PREB: variants seen among roughly 807,000 people sequenced by gnomAD.
PREB encodes the protein guanine nucleotide-exchange factor SEC12.
A neutral mutation model predicts 46.7 loss-of-function variants in PREB; 29 were observed. That is an observed-to-expected ratio of 0.62 (90% CI 0.46 to 0.85). PREB has a LOEUF of 0.85. Ranked by LOEUF, PREB falls within the 40% of genes least tolerant of loss-of-function variation. The probability of loss-of-function intolerance (pLI) is 0.00; values close to 1 mark genes in which losing one functional copy is unlikely to be tolerated. For missense variants in PREB, 494 were observed against 528.4 expected, an observed-to-expected ratio of 0.93 and a Z score of 0.64; for synonymous variants, 224 against 220.1, an observed-to-expected ratio of 1.02 and a Z score of -0.16.
Position 27,132,840 on chromosome 2 carries a change from C to G in PREB, c.627+3G>C. 6.2e-7 allele frequency: 1 copy of G among 1,614,046 alleles called. No homozygotes were observed. The highest frequency in any genetic ancestry group is 8.5e-7 in the Non-Finnish European group (1 of 1,179,952). ...CATCCTCCTCCCACCCCCAGCCCCT[C>G]ACCTTGCCATCAGGCCCTAAAGCCA... is the stretch of plus-strand genomic sequence containing the variant. On this transcript the variant is annotated splice_donor_region_variant and intron_variant, in intron 4 of 8. Transcript: ENST00000260643. The surrounding 1 kb of genome is among the most constrained non-coding windows in gnomAD (Gnocchi z 4.0).
intron 1 of PREB, 167 bp downstream of exon 1, chr2:27,134,120 T>C (rs1672400233): frequency 2.2e-6 from 2 of 917,056 alleles, no homozygotes; most frequent in African/African-American, 1.7e-5. Flanking sequence ...CTCCGCCCGC[T>C]GAGTTCTCGA....
In PREB at chr2:27,131,199, T is replaced by G. The variant is rs1672246950; in HGVS notation, c.*215A>C. 1.7e-6 allele frequency: 1 copy of G among 597,512 alleles called. No homozygotes were observed. The highest frequency in any genetic ancestry group is 3.0e-5 in the Admixed American group (1 of 33,586). The allele number at this position is 597,512 out of a possible 1,614,324, so 37.0% of individuals were successfully genotyped here. On this transcript the variant is annotated 3_prime_UTR_variant, in exon 9 of 9. Coordinates refer to ENST00000260643, the MANE Select transcript of PREB (RefSeq NM_013388.6). Reference sequence around the variant, plus strand: ...GGGCTTCAGATACCGCTGTTCTGGATGGATCCACAGATGACGAAGGCAAGG... The same window carrying G: ...GGGCTTCAGATACCGCTGTTCTGGAGGGATCCACAGATGACGAAGGCAAGG...
intron 8 of PREB, 65 bp downstream of exon 8, chr2:27,131,607 C>T (rs1354237794): frequency 2.7e-5 from 43 of 1,598,574 alleles, no homozygotes; most frequent in African/African-American, 6.7e-5. Flanking sequence ...GCCCAGCCTC[C>T]GGGGGGCACG....
In PREB at chr2:27,134,581, G is replaced by A. The variant is rs1672425732; in HGVS notation, c.-160C>T. Reference sequence around the variant, plus strand: ...GGAGTTGCCAAAACCCTGACCATCAGCAGGAAGCCGAGCCTCAGCTCGGCT... The same window carrying A: ...GGAGTTGCCAAAACCCTGACCATCAACAGGAAGCCGAGCCTCAGCTCGGCT... On this transcript the variant is annotated 5_prime_UTR_variant, in exon 1 of 9. Coordinates refer to ENST00000260643, the MANE Select transcript of PREB (RefSeq NM_013388.6). The A allele has an allele frequency of 3.0e-6, 4 of 1,343,964 alleles. No individual in the cohort carries two copies. Among genetic ancestry groups the A allele is most frequent in the Non-Finnish European group, 3.8e-6 (4 of 1,053,664 alleles). The allele number at this position is 1,343,964 out of a possible 1,614,324, so 83.3% of individuals were successfully genotyped here.
rs201697354 is a variant in PREB at position 27,132,275 on chromosome 2, C to A, written c.881G>T (p.Arg294Leu). The change falls in exon 6 of 9, where the codon CGG (arginine) becomes CTG (leucine). Residue 294 changes from arginine to leucine, a missense_variant. Coordinates refer to ENST00000260643, the MANE Select transcript of PREB (RefSeq NM_013388.6). The surrounding 1 kb of genome is among the most constrained non-coding windows in gnomAD (Gnocchi z 4.0). ...GACTTCATGGCCACAGGACTTGGTC[C>A]GAAGGGGCAAGAAGTTGGAGCCATC... is the stretch of plus-strand genomic sequence containing the variant. ...AWDGSNFLPLRTKSCGHEVVS... is the reference protein window; with the variant it reads ...AWDGSNFLPLLTKSCGHEVVS... 73 of 1,614,108 alleles carry A rather than the reference C, an allele frequency of 4.5e-5. 1 individual carries two copies. In the East Asian group the frequency reaches 1.6e-3, roughly 36 times the overall value.
rs747127793 is a variant in PREB at position 27,133,203 on chromosome 2, C to A, written c.460G>T (p.Asp154Tyr). Residue 154 changes from aspartate to tyrosine, a missense_variant, in exon 3 of 9, where the codon GAT becomes TAT. By Grantham distance (160) the Asp-to-Tyr change is radical. Coordinates refer to ENST00000260643, the MANE Select transcript of PREB (RefSeq NM_013388.6). ...AAGCACACAACTTTCTGCAGTGGAT[C>A]GGAGCTAAAGTCTGTCTGCACCGCC... is the stretch of plus-strand genomic sequence containing the variant. ...LQAVQTDFSS[D>Y]PLQKVVCFNH... 1 of 1,614,060 alleles carries A rather than the reference C, an allele frequency of 6.2e-7. No individual in the cohort carries two copies. Among genetic ancestry groups the A allele is most frequent in the Admixed American group, 1.7e-5 (1 of 59,998 alleles).
chr2:27,134,368 C>T lies in PREB; in HGVS notation c.54G>A (p.Ala18=), dbSNP rs769895129. The change falls in exon 1 of 9, where the codon GCG becomes GCA. Residue 18 remains alanine (A), a synonymous_variant. Transcript: ENST00000260643. ...ELYRAPFPLY[A]LQVDPSTGLL... ...GCCCAGTGCTGGGGTCGACCTGAAGCGCGTACAACGGGAACGGAGCCCGGT... is the reference window on the plus strand; with the variant it reads ...GCCCAGTGCTGGGGTCGACCTGAAGTGCGTACAACGGGAACGGAGCCCGGT... 1.6e-5 allele frequency: 26 copies of T among 1,610,896 alleles called. No homozygotes were observed. Among genetic ancestry groups the T allele is most frequent in the Non-Finnish European group, 2.2e-5 (26 of 1,179,380 alleles).
Position 27,134,460 on chromosome 2 carries a change from C to G in PREB, c.-39G>C, listed in dbSNP as rs1396462674. 4.1e-6 allele frequency: 6 copies of G among 1,460,216 alleles called. No individual in the cohort carries two copies. In the East Asian group the frequency reaches 1.6e-4, roughly 39 times the overall value. The allele number at this position is 1,460,216 out of a possible 1,614,324, so 90.5% of individuals were successfully genotyped here. A position where few individuals can be genotyped will look rare whatever the true frequency, so the allele number is the denominator to read the frequency against. On this transcript the variant is annotated 5_prime_UTR_variant, in exon 1 of 9. Transcript: ENST00000260643. Reference sequence around the variant, plus strand: ...CGTTCACTGCCCGCACCGCGGCACCCAGGACATGCCGCGCCGGGCCTTCGA... The same window carrying G: ...CGTTCACTGCCCGCACCGCGGCACCGAGGACATGCCGCGCCGGGCCTTCGA...
At chr2:27,133,509 G>T in intron 2 of PREB, 23 bp downstream of exon 2, 1 of 1,609,780 alleles carries the variant, frequency 6.2e-7, no homozygotes, top group Non-Finnish European at 8.5e-7. Context: ...TTTCCCCAAG[G>T]GGGTAGAGAG....
Position 27,133,152 on chromosome 2 carries a change from T to C in PREB, c.511A>G (p.Thr171Ala), listed in dbSNP as rs762751732. The C allele has an allele frequency of 6.2e-7, 1 of 1,614,190 alleles. No individual in the cohort carries two copies. The highest frequency in any genetic ancestry group is 1.1e-5 in the South Asian group (1 of 91,088). Residue 171 changes from threonine (T) to alanine (A), a missense_variant, in exon 3 of 9, where the codon ACT becomes GCT. By Grantham distance (58) the Thr-to-Ala change is moderately conservative. Transcript: ENST00000260643. ...CGGACGTAGCCATCTGTTCCTCCAG[T>C]GGCAAGCAGGGTATTATCGTGGTTG... ...CFNHDNTLLATGGTDGYVRVW... is the reference protein window; with the variant it reads ...CFNHDNTLLAAGGTDGYVRVW...
In PREB at chr2:27,132,047, G is replaced by A; in HGVS notation, c.962C>T (p.Thr321Ile). 6.2e-7 allele frequency: 1 copy of A among 1,614,200 alleles called. No individual in the cohort carries two copies. Among genetic ancestry groups the A allele is most frequent in the Admixed American group, 1.7e-5 (1 of 60,022 alleles). ...SGTFLGLGTVTGSVAIYIAFS... is the reference protein window; with the variant it reads ...SGTFLGLGTVIGSVAIYIAFS... ...AGCTATGTAGATGGCAACAGAGCCA[G>A]TGACTGTGCCCAGGCCTAGGAAGGT... is the stretch of plus-strand genomic sequence containing the variant. The change falls in exon 7 of 9, where the codon ACT (threonine) becomes ATT (isoleucine). Residue 321 changes from threonine to isoleucine, a missense_variant. Physicochemically the swap from Thr to Ile is moderately conservative, Grantham distance 89. Coordinates refer to ENST00000260643, the MANE Select transcript of PREB (RefSeq NM_013388.6). This position sits in a 1 kb window ranked among gnomAD's most constrained non-coding sequence, Gnocchi z 4.0.
chr2:27,133,778 G>T, intron 1 of PREB, 57 bp from the exon 2 acceptor site: 1 of 1,547,418 alleles, frequency 6.5e-7, no homozygotes, highest in Non-Finnish European at 8.9e-7. Flanking sequence ...AGCACGTTTA[G>T]GGAAGAGTCT....
At position 27,134,371 on chromosome 2, in the gene PREB, G is replaced by A. The variant is rs1278053451; in HGVS notation, c.51C>T (p.Tyr17=). Residue 17 remains tyrosine, a synonymous_variant, in exon 1 of 9, where the codon TAC becomes TAT. Transcript: ENST00000260643. ...CAGTGCTGGGGTCGACCTGAAGCGCGTACAACGGGAACGGAGCCCGGTACA... is the reference window on the plus strand; with the variant it reads ...CAGTGCTGGGGTCGACCTGAAGCGCATACAACGGGAACGGAGCCCGGTACA... ...PELYRAPFPL[Y]ALQVDPSTGL... is the part of the protein sequence containing the mutation. 4.5e-5 allele frequency: 73 copies of A among 1,610,454 alleles called. No individual in the cohort carries two copies. Among genetic ancestry groups the A allele is most frequent in the Non-Finnish European group, 6.1e-5 (72 of 1,179,252 alleles).
In PREB at chr2:27,134,546, C is replaced by G. The variant is rs1672423902; in HGVS notation, c.-125G>C. Reference sequence around the variant, plus strand: ...GCCGCCGGGAGCACTCCCTACCCCTCTCACACCGGGGAGTTGCCAAAACCC... The same window carrying G: ...GCCGCCGGGAGCACTCCCTACCCCTGTCACACCGGGGAGTTGCCAAAACCC... On this transcript the variant is annotated 5_prime_UTR_variant, in exon 1 of 9. Coordinates refer to ENST00000260643, the MANE Select transcript of PREB (RefSeq NM_013388.6). 2 of 1,365,608 alleles carry G rather than the reference C, an allele frequency of 1.5e-6. No homozygotes were observed. The highest frequency in any genetic ancestry group is 9.4e-7 in the Non-Finnish European group (1 of 1,066,862). 84.6% of individuals were successfully genotyped at this position (1,365,608 alleles called of 1,614,324 possible).
In PREB at chr2:27,132,884, C is replaced by T. The variant is rs779047154; in HGVS notation, c.586G>A (p.Glu196Lys). The change falls in exon 4 of 9, where the codon GAA (glutamate) becomes AAA (lysine). Residue 196 changes from glutamate to lysine, a missense_variant. Physicochemically the swap from Glu to Lys is moderately conservative, Grantham distance 56. Coordinates refer to ENST00000260643, the MANE Select transcript of PREB (RefSeq NM_013388.6). This position sits in a 1 kb window ranked among gnomAD's most constrained non-coding sequence, Gnocchi z 4.0. Reference sequence around the variant, plus strand: ...AAAGCCAGGTCTTCAATCTCCCCTTCGTGGGCTTTGAACTCCAGAACCTTC... The same window carrying T: ...AAAGCCAGGTCTTCAATCTCCCCTTTGTGGGCTTTGAACTCCAGAACCTTC... Reference protein sequence around the residue: ...LEKVLEFKAHEGEIEDLALGP... With the variant: ...LEKVLEFKAHKGEIEDLALGP... 17 of 1,613,882 alleles carry T rather than the reference C, an allele frequency of 1.1e-5. No homozygotes were observed. The highest frequency in any genetic ancestry group is 1.4e-5 in the Non-Finnish European group (17 of 1,179,998).
In PREB at chr2:27,131,950, C is replaced by T. The variant is rs1672294963; in HGVS notation, c.999+60G>A. 1.9e-6 allele frequency: 3 copies of T among 1,595,636 alleles called. No homozygotes were observed. The African/African-American group carries it at 4.0e-5, about 21-fold the overall frequency. On this transcript the variant is annotated intron_variant, in intron 7 of 8. Transcript: ENST00000260643. The stretch of plus-strand genomic sequence containing the variant: ...GATGGGCCAGACTCCTTCCTGCAAA[C>T]TCAGGGTAGAGACAGGCCTACAGTC...
Position 27,133,732 on chromosome 2 carries a change from G to T in PREB, c.136-11C>A, listed in dbSNP as rs746462293. The T allele has an allele frequency of 1.2e-6, 2 of 1,613,028 alleles. No homozygotes were observed. The highest frequency in any genetic ancestry group is 3.3e-5 in the Admixed American group (2 of 59,954). On this transcript the variant is annotated splice_polypyrimidine_tract_variant and intron_variant, in intron 1 of 8. Transcript: ENST00000260643. ...TAGCTGCAGAAAGTGCTGTGGGAGG[G>T]GGAACCCGGATGAGCAAGTTCAGGG...
At position 27,132,409 on chromosome 2, in the gene PREB, G is replaced by A. The variant is rs755312987; in HGVS notation, c.753-6C>T. 3 of 1,608,882 alleles carry A rather than the reference G, an allele frequency of 1.9e-6. No homozygotes were observed. In the Admixed American group the frequency reaches 5.0e-5, roughly 27 times the overall value. On this transcript the variant is annotated splice_region_variant and splice_polypyrimidine_tract_variant and intron_variant, in intron 5 of 8. Coordinates refer to ENST00000260643, the MANE Select transcript of PREB (RefSeq NM_013388.6). This position sits in a 1 kb window ranked among gnomAD's most constrained non-coding sequence, Gnocchi z 4.0. ...GGTCTGGAACCTGCCCAAACCTGGGGGCCGGATGAGGGGCTATTCAGCTCC... is the reference window on the plus strand; with the variant it reads ...GGTCTGGAACCTGCCCAAACCTGGGAGCCGGATGAGGGGCTATTCAGCTCC...
rs1210639443 is a variant in PREB at position 27,131,278 on chromosome 2, G to T, written c.*136C>A. On this transcript the variant is annotated 3_prime_UTR_variant, in exon 9 of 9. Coordinates refer to ENST00000260643, the MANE Select transcript of PREB (RefSeq NM_013388.6). ...ATAGCCAAGCCTTTTCACTAGAAGGGCAGGCAGTGCCCATTCATCTTGTCA... is the reference window on the plus strand; with the variant it reads ...ATAGCCAAGCCTTTTCACTAGAAGGTCAGGCAGTGCCCATTCATCTTGTCA... 12 of 775,682 alleles carry T rather than the reference G, an allele frequency of 1.5e-5. No individual in the cohort carries two copies. Among genetic ancestry groups the T allele is most frequent in the Non-Finnish European group, 2.6e-5 (12 of 469,526 alleles). 48.0% of individuals were successfully genotyped at this position (775,682 alleles called of 1,614,324 possible).
Sources: allele counts gnomAD v4.1 joint callset, GRCh38; gene constraint gnomAD v4.1.1; non-coding constraint Gnocchi (gnomAD v3.1); transcripts MANE v1.5; gene names NCBI Gene and HGNC (gene_info 2026-07-23, HGNC 2026-07-21).